Variants in XRCC3 observed in about 807,000 individuals in gnomAD.
The protein encoded by XRCC3 is DNA repair protein XRCC3.
A neutral mutation model predicts 29.2 loss-of-function variants in XRCC3; 34 were observed. The observed-to-expected ratio is 1.16, with a 90% CI of 0.88 to 1.55. XRCC3 has a LOEUF of 1.55. XRCC3 is among the 40% of genes most tolerant of loss of function. The pLI is 0.00. For synonymous variants in XRCC3, 223 were observed against 211.3 expected, an observed-to-expected ratio of 1.06 and a Z score of -0.48; for missense variants, 463 against 467.6, an observed-to-expected ratio of 0.99 and a Z score of 0.09.
intron 6 of XRCC3, chr14:103,703,646 T>G: frequency 1.0e-5 from 4 of 399,644 alleles, no homozygotes; most frequent in Admixed American, 3.8e-5. Flanking sequence ...CTGCCCCTCC[T>G]TCCCCCTGTG....
Position 103,706,384 on chromosome 14 carries a change from G to A in XRCC3, c.406+619C>T, listed in dbSNP as rs1376507891. On this transcript the variant is annotated intron_variant, in intron 6 of 9. Coordinates refer to ENST00000555055, the MANE Select transcript of XRCC3 (RefSeq NM_005432.4). ...GAAAAAATACTGCCACTCTGTTCACGTGGAGTTTAAGACAACGTGGGAATC... is the reference window on the plus strand; with the variant it reads ...GAAAAAATACTGCCACTCTGTTCACATGGAGTTTAAGACAACGTGGGAATC... 7 of 456,098 alleles carry A rather than the reference G, an allele frequency of 1.5e-5. No individual in the cohort carries two copies. In the East Asian group the frequency reaches 2.1e-4, roughly 14 times the overall value. The allele number at this position is 456,098 out of a possible 1,614,324, so 28.3% of individuals were successfully genotyped here.
chr14:103,709,505 T>G (rs2083552627), intron 4 of XRCC3: 1 of 152,340 alleles, frequency 6.6e-6, no homozygotes, highest in East Asian at 1.9e-4. Context: ...AAGACAACCA[T>G]TGTGCGGCTG....
Position 103,711,458 on chromosome 14 carries a change from C to T in XRCC3, c.-159+8G>A, listed in dbSNP as rs1025005386. ...TCCTGCAGCAGTTGAGTGCCCTGCC[C>T]GACTCACCTCTCTGGGGCTTGGGGA... On this transcript the variant is annotated splice_region_variant and intron_variant, in intron 3 of 9. Transcript: ENST00000555055. 7.5e-5 allele frequency: 37 copies of T among 493,222 alleles called. No homozygotes were observed. Among genetic ancestry groups the T allele is most frequent in the Admixed American group, 2.3e-4 (10 of 43,586 alleles). The allele number at this position is 493,222 out of a possible 1,614,324, so 30.6% of individuals were successfully genotyped here.
chr14:103,699,605 T>C, intron 7 of XRCC3, 29 bp from the exon 8 acceptor site: 1 of 1,611,434 alleles, frequency 6.2e-7, no homozygotes, highest in Non-Finnish European at 8.5e-7. Flanking sequence ...TTGTCTATGC[T>C]GGTCAGCAAG....
At chr14:103,713,842 C>G (rs1025589758) in intron 1 of XRCC3, 2 of 152,262 alleles carry the variant, frequency 1.3e-5, no homozygotes, top group Non-Finnish European at 2.9e-5. Context: ...TAAACCTTGT[C>G]AGACACTCCC....
At chr14:103,703,984 G>T in intron 6 of XRCC3, 1 of 157,672 alleles carries the variant, frequency 6.3e-6, no homozygotes. Flanking sequence ...CCCACTCCTA[G>T]GTAGATACCC....
chr14:103,700,612 G>C, intron 7 of XRCC3: 1 of 1,533,224 alleles, frequency 6.5e-7, no homozygotes, highest in Non-Finnish European at 9.0e-7. Flanking sequence ...CCTGAGGGCC[G>C]CCTGCACGCC....
intron 7 of XRCC3, 61 bp from the exon 8 acceptor site, chr14:103,699,637 C>G (rs2082945995): frequency 3.8e-6 from 6 of 1,563,312 alleles, no homozygotes; most frequent in Non-Finnish European, 5.3e-6. Flanking sequence ...GGTGACCAGA[C>G]CCCGTTTGGA....
Position 103,703,283 on chromosome 14 carries a change from G to C in XRCC3, c.451C>G (p.Leu151Val), listed in dbSNP as rs899300571. The C allele has an allele frequency of 6.4e-7, 1 of 1,557,914 alleles. No individual in the cohort carries two copies. Among genetic ancestry groups the C allele is most frequent in the Non-Finnish European group, 8.7e-7 (1 of 1,153,284 alleles). ...GGCTGCTGGGCCATGAGCTGCTGCAGGCGCTTGTGCGGGAAGGCGTCTTCC... is the reference window on the plus strand; with the variant it reads ...GGCTGCTGGGCCATGAGCTGCTGCACGCGCTTGTGCGGGAAGGCGTCTTCC... The part of the protein sequence containing the change: ...CTEDAFPHKR[L>V]QQLMAQQPRL... Residue 151 changes from leucine (L) to valine (V), a missense_variant, in exon 7 of 10, where the codon CTG becomes GTG. Transcript: ENST00000555055.
intron 7 of XRCC3, chr14:103,702,957 A>G: frequency 1.4e-6 from 1 of 698,574 alleles, no homozygotes; most frequent in Non-Finnish European, 2.3e-6. Context: ...TGCTTTAGCC[A>G]GAATTCCCTC....
chr14:103,700,710 G>A (rs771548345), intron 7 of XRCC3: 12 of 1,602,698 alleles, frequency 7.5e-6, no homozygotes, highest in East Asian at 2.3e-5. Context: ...CAGTGGCCTG[G>A]AAGACGCCAC....
At chr14:103,708,462 C>G in intron 5 of XRCC3, 60 bp downstream of exon 5, 1 of 1,609,678 alleles carries the variant, frequency 6.2e-7, no homozygotes, top group South Asian at 1.1e-5. Context: ...CCCTGCACCA[C>G]TGGGACCATG....
chr14:103,701,221 T>G (rs376462874), intron 7 of XRCC3: 2 of 1,550,460 alleles, frequency 1.3e-6, no homozygotes, highest in Non-Finnish European at 1.7e-6. Context: ...CTGGCCCCGC[T>G]CCAGGATGGG....
intron 7 of XRCC3, chr14:103,701,950 G>A (rs1449405822): frequency 6.6e-6 from 1 of 152,194 alleles, no homozygotes; most frequent in African/African-American, 2.4e-5. Flanking sequence ...GGGTGGGCTG[G>A]ACATGGCAGC....
chr14:103,698,594 G>A lies in XRCC3; in HGVS notation c.*204C>T. The A allele has an allele frequency of 1.6e-6, 1 of 613,570 alleles. No individual in the cohort carries two copies. The highest frequency in any genetic ancestry group is 1.9e-5 in the South Asian group (1 of 52,564). The allele number at this position is 613,570 out of a possible 1,614,324, so 38.0% of individuals were successfully genotyped here. Reference sequence around the variant, plus strand: ...CAAGCGGGCCTGTCCCCAGACCCAGGGAGAGGCAGAACATCCCCCCAGCTC... The same window carrying A: ...CAAGCGGGCCTGTCCCCAGACCCAGAGAGAGGCAGAACATCCCCCCAGCTC... On this transcript the variant is annotated 3_prime_UTR_variant, in exon 10 of 10. Transcript: ENST00000555055.
rs532350773 is a variant in XRCC3 at position 103,707,552 on chromosome 14, G to T, written c.194-337C>A. On this transcript the variant is annotated intron_variant, in intron 5 of 9. Coordinates refer to ENST00000555055, the MANE Select transcript of XRCC3 (RefSeq NM_005432.4). ...TAACAGCCTCCATGTGAAGAAAAAG[G>T]CACAGCTCTGTCCAGCTGGGATGCC... is the stretch of plus-strand genomic sequence containing the variant. 6.9e-6 allele frequency: 3 copies of T among 437,078 alleles called. No homozygotes were observed. The Admixed American group carries it at 1.1e-4, about 15-fold the overall frequency. The allele number at this position is 437,078 out of a possible 1,614,324, so 27.1% of individuals were successfully genotyped here.
intron 5 of XRCC3, chr14:103,708,266 C>T: frequency 1.8e-6 from 1 of 547,960 alleles, no homozygotes; most frequent in South Asian, 2.0e-5. Context: ...CCTGCACCCC[C>T]TCCTCTGGTC....
At chr14:103,709,546 A>C (rs546225419) in intron 4 of XRCC3, 2 of 152,428 alleles carry the variant, frequency 1.3e-5, no homozygotes, top group African/African-American at 4.8e-5. Flanking sequence ...TGATCTTCAG[A>C]AAAGCCACAC....
chr14:103,700,870 C>A, intron 7 of XRCC3: 1 of 701,502 alleles, frequency 1.4e-6, no homozygotes, highest in Non-Finnish European at 2.3e-6. Context: ...AGGGGCTTGG[C>A]TCAGGGTCCC....
Sources: allele counts gnomAD v4.1 joint callset, GRCh38; gene constraint gnomAD v4.1.1; transcripts MANE v1.5; gene names NCBI Gene and HGNC (gene_info 2026-07-23, HGNC 2026-07-21).